Variants in VWCE observed in about 807,000 individuals in gnomAD.
VWCE encodes the protein von Willebrand factor C and EGF domain-containing protein.
Under a neutral mutation model 102.9 loss-of-function variants are expected in VWCE, and 68 were observed. The observed-to-expected ratio is 0.66, with a 90% CI of 0.54 to 0.81. The LOEUF (loss-of-function observed/expected upper bound fraction) is 0.81. Among genes scored for constraint, VWCE ranks in the 30% least tolerant of loss-of-function variants. The pLI is 0.00. For synonymous variants in VWCE, 497 were observed against 515.4 expected (o/e 0.96, Z 0.48); for missense variants, 1,137 against 1,263.6 (o/e 0.90, Z 1.52).
chr11:61,278,698 CT>C (rs910053397), intron 9 of VWCE, among the ~76,000 whole-genome samples: 8 of 152,186 alleles, frequency 5.3e-5, no homozygotes, highest in African/African-American at 1.9e-4. Flanking sequence ...CCACAACTGT[CT>C]GGAGAGCACA....
Position 61,276,592 on chromosome 11 carries a change from C to G in VWCE, c.1495+1G>C. The G allele has an allele frequency of 1.9e-6, 3 of 1,562,648 alleles. No individual in the cohort carries two copies. The highest frequency in any genetic ancestry group is 2.6e-6 in the Non-Finnish European group (3 of 1,156,968). On this transcript the variant is annotated splice_donor_variant, in intron 11 of 19. Transcript: ENST00000335613. LOFTEE classifies it high-confidence loss of function. The stretch of plus-strand genomic sequence containing the variant: ...CAAAATGCTCCAAGAGTGTCACTTA[C>G]CTGGAACACAAGTACAGCAATCCGT...
chr11:61,279,950 C>T (rs573170855), intron 9 of VWCE, among the ~76,000 whole-genome samples: 1 of 152,336 alleles, frequency 6.6e-6, no homozygotes, highest in Non-Finnish European at 1.5e-5. Context: ...TAGTCTCAAA[C>T]TCCTGGGCTC....
At chr11:61,260,388 C>T (rs890536978) in intron 19 of VWCE, among the ~76,000 whole-genome samples, 4 of 152,208 alleles carry the variant, frequency 2.6e-5, no homozygotes, top group Non-Finnish European at 4.4e-5. Flanking sequence ...ATCCTCCCAT[C>T]TCGGCTGTCC....
At position 61,275,524 on chromosome 11, in the gene VWCE, A is replaced by G. The variant is rs1854876358; in HGVS notation, c.1496-940T>C. Among the ~76,000 whole-genome samples the G allele has an allele frequency of 2.0e-5, 3 of 152,348 alleles. No homozygotes were observed. The South Asian group carries it at 6.2e-4, about 32-fold the overall frequency. ...TAACATTTAAACATTAAGAAAAAAA[A>G]CACTTAAAAAGAACACCAGCTTTGA... On this transcript the variant is annotated intron_variant, in intron 11 of 19. Coordinates refer to ENST00000335613, the MANE Select transcript of VWCE (RefSeq NM_152718.2).
chr11:61,282,685 G>A, intron 6 of VWCE, 104 bp downstream of exon 6: 1 of 907,094 alleles, frequency 1.1e-6, no homozygotes, highest in Non-Finnish European at 1.8e-6. Context: ...AGCTCCAGAG[G>A]ACCAGAAAGT....
chr11:61,286,558 T>G (rs1180115706), intron 4 of VWCE, 128 bp from the exon 5 acceptor site: 2 of 800,196 alleles, frequency 2.5e-6, no homozygotes, highest in Non-Finnish European at 4.1e-6. Flanking sequence ...ATCCCAGCAC[T>G]TTGGGAGGCC....
intron 16 of VWCE, among the ~76,000 whole-genome samples, chr11:61,265,919 A>C (rs1385364413): frequency 6.6e-6 from 1 of 151,992 alleles, no homozygotes; most frequent in Admixed American, 6.6e-5. Context: ...GGTGGTGCGC[A>C]CCTGTAATCC....
intron 18 of VWCE, 51 bp downstream of exon 18, chr11:61,264,905 A>G (rs766026249): frequency 4.4e-6 from 7 of 1,596,966 alleles, no homozygotes; most frequent in Non-Finnish European, 6.0e-6. Context: ...GACAAAAGGC[A>G]AGAAGCTGCC....
At position 61,274,523 on chromosome 11, in the gene VWCE, G is replaced by C. The variant is rs554035896; in HGVS notation, c.1557C>G (p.Asp519Glu). 47 of 1,613,184 alleles carry C rather than the reference G, an allele frequency of 2.9e-5. No individual in the cohort carries two copies. The highest frequency in any genetic ancestry group is 3.6e-5 in the Non-Finnish European group (43 of 1,179,770). ...CCTGGCAAACACAGGTGGTACACTC[G>C]TCACCACCCCCACTGAACACAGCCC... The part of the protein sequence containing the change: ...ADGAVFSGGG[D>E]ECTTCVCQNG... Residue 519 changes from aspartate to glutamate, a missense_variant, in exon 12 of 20, where the codon GAC becomes GAG. By Grantham distance (45) the Asp-to-Glu change is conservative. Transcript: ENST00000335613.
At position 61,290,814 on chromosome 11, in the gene VWCE, C is replaced by T. The variant is rs995492898; in HGVS notation, c.409G>A (p.Gly137Ser). The change falls in exon 4 of 20, where the codon GGC (glycine) becomes AGC (serine). Residue 137 changes from glycine (G) to serine (S), a missense_variant. This residue lies in a region of VWCE where 575 missense variants were observed against 625.9 expected (regional missense o/e 0.92). Coordinates refer to ENST00000335613, the MANE Select transcript of VWCE (RefSeq NM_152718.2). Reference sequence around the variant, plus strand: ...GGCGTCTCACCTGTACACCTGATGCCAACAGCTGTCTCCGTCATCGAGAAG... The same window carrying T: ...GGCGTCTCACCTGTACACCTGATGCTAACAGCTGTCTCCGTCATCGAGAAG... ...VGFSMTETAVGIRCTDIDECV... is the reference protein window; with the variant it reads ...VGFSMTETAVSIRCTDIDECV... 6.2e-7 allele frequency: 1 copy of T among 1,613,258 alleles called. No homozygotes were observed. The highest frequency in any genetic ancestry group is 8.5e-7 in the Non-Finnish European group (1 of 1,179,818).
intron 9 of VWCE, among the ~76,000 whole-genome samples, chr11:61,279,386 A>G (rs1286338292): frequency 1.3e-5 from 2 of 152,010 alleles, no homozygotes; most frequent in Non-Finnish European, 2.9e-5. Flanking sequence ...CCTGGCCAAC[A>G]TGGCGAAACA....
In VWCE at chr11:61,281,107, C is replaced by A; in HGVS notation, c.916G>T (p.Ala306Ser). Residue 306 changes from alanine (A) to serine (S), a missense_variant, in exon 8 of 20, where the codon GCT becomes TCT. Ala to Ser is a moderately conservative substitution (Grantham distance 99, BLOSUM62 1). This residue lies in a region of VWCE where 575 missense variants were observed against 625.9 expected (regional missense o/e 0.92). Transcript: ENST00000335613. ...LSPGHSPPSG[A>S]PGPPAGVRTT... ...CTGACTCCGGCTGGGGGCCCTGGAG[C>A]CCCAGAAGGAGGGCTATGTCCTGGG... 1 of 1,611,048 alleles carries A rather than the reference C, an allele frequency of 6.2e-7. No individual in the cohort carries two copies. The highest frequency in any genetic ancestry group is 8.5e-7 in the Non-Finnish European group (1 of 1,178,576).
Position 61,295,083 on chromosome 11 carries a change from G to T in VWCE, c.-46C>A. 8.3e-7 allele frequency: 1 copy of T among 1,206,048 alleles called. No individual in the cohort carries two copies. Among genetic ancestry groups the T allele is most frequent in the Non-Finnish European group, 1.1e-6 (1 of 945,602 alleles). 74.7% of individuals were successfully genotyped at this position (1,206,048 alleles called of 1,614,324 possible). A position where few individuals can be genotyped will look rare whatever the true frequency, so the allele number is the denominator to read the frequency against. ...CCGGGCTGGGCTCGGCTCCTGCGCCGCGCGCGGGAGAGGGGGCTGCCGGCC... is the reference window on the plus strand; with the variant it reads ...CCGGGCTGGGCTCGGCTCCTGCGCCTCGCGCGGGAGAGGGGGCTGCCGGCC... On this transcript the variant is annotated 5_prime_UTR_variant, in exon 1 of 20. Transcript: ENST00000335613. This position sits in a 1 kb window ranked among gnomAD's most constrained non-coding sequence, Gnocchi z 4.6.
At chr11:61,285,258 T>C (rs1382843239) in intron 5 of VWCE, among the ~76,000 whole-genome samples, 1 of 152,178 alleles carries the variant, frequency 6.6e-6, no homozygotes, top group Non-Finnish European at 1.5e-5. Flanking sequence ...AAATTTTTTC[T>C]CATAATTTAT....
chr11:61,264,224 T>TC (rs1382855058), intron 19 of VWCE, among the ~76,000 whole-genome samples: 2 of 28,996 alleles, frequency 6.9e-5, no homozygotes, highest in East Asian at 1.9e-3. Flanking sequence ...AGACTCAGTC[T>TC]CAAAAAAAAA....
In VWCE at chr11:61,258,885, C is replaced by T. The variant is rs1284156068; in HGVS notation, c.2658G>A (p.Arg886=). ...FSASGAQIVS[R]WPPLPGTLLT... is the part of the protein sequence containing the mutation. ...GGAGGGTGCCAGGCAGAGGAGGCCA[C>T]CTGGACACTATCTGGGCCCCAGAGG... The change falls in exon 20 of 20, where the codon AGG becomes AGA. Residue 886 remains arginine (R), a synonymous_variant. Coordinates refer to ENST00000335613, the MANE Select transcript of VWCE (RefSeq NM_152718.2). 5 of 1,522,448 alleles carry T rather than the reference C, an allele frequency of 3.3e-6. No individual in the cohort carries two copies. The South Asian group carries it at 4.0e-5, about 12-fold the overall frequency. 94.3% of individuals were successfully genotyped at this position (1,522,448 alleles called of 1,614,324 possible). A position where few individuals can be genotyped will look rare whatever the true frequency, so the allele number is the denominator to read the frequency against.
chr11:61,259,318 G>A lies in VWCE; in HGVS notation c.2231-6C>T, dbSNP rs1253598383. ...TTCCAGAGGAGACAGGGAATCTAGA[G>A]AGACGAGGGTGAAACGAGATGCACA... On this transcript the variant is annotated splice_region_variant and splice_polypyrimidine_tract_variant and intron_variant, in intron 19 of 19. Coordinates refer to ENST00000335613, the MANE Select transcript of VWCE (RefSeq NM_152718.2). 6 of 1,564,788 alleles carry A rather than the reference G, an allele frequency of 3.8e-6. No individual in the cohort carries two copies. Among genetic ancestry groups the A allele is most frequent in the African/African-American group, 1.4e-5 (1 of 73,496 alleles).
At chr11:61,264,878 T>A in intron 18 of VWCE, 78 bp downstream of exon 18, 1 of 1,478,670 alleles carries the variant, frequency 6.8e-7, no homozygotes, top group Non-Finnish European at 9.4e-7. Context: ...GCTAAAGGGC[T>A]CCATGTTTTG....
Position 61,286,359 on chromosome 11 carries a change from A to G in VWCE, c.496T>C (p.Cys166Arg), listed in dbSNP as rs778013790. 1.8e-5 allele frequency: 29 copies of G among 1,611,872 alleles called. No individual in the cohort carries two copies. The highest frequency in any genetic ancestry group is 1.6e-4 in the Middle Eastern group (1 of 6,084). Residue 166 changes from cysteine (C) to arginine (R), a missense_variant, in exon 5 of 20, where the codon TGT becomes CGT. By Grantham distance (180) the Cys-to-Arg change is radical (BLOSUM62 -3). Around this residue, in one of 5 missense-constraint regions of VWCE, gnomAD observed 575 missense variants for 625.9 expected, o/e 0.92. Transcript: ENST00000335613. ...GCAGACAGCTGCATGCCCGGCCCACACTCGCACACAAACCCACCTTCTGTG... is the reference window on the plus strand; with the variant it reads ...GCAGACAGCTGCATGCCCGGCCCACGCTCGCACACAAACCCACCTTCTGTG... ...VNTEGGFVCE[C>R]GPGMQLSADR...
Sources: gnomAD v4.1 joint callset for allele counts (sites outside exome capture counted in the v4.1 genomes callset) on GRCh38, gnomAD v4.1.1 for gene constraint, gnomAD v4.1.1 regional missense constraint, Gnocchi (gnomAD v3.1) non-coding constraint, MANE v1.5 for transcripts, NCBI Gene and HGNC (gene_info 2026-07-23, HGNC 2026-07-21) for gene names.